The following CYSLTR1 variants were observed in gnomAD, a reference collection of about 807,000 sequenced individuals.
The protein encoded by CYSLTR1 is G-protein coupled receptor HG55.
In CYSLTR1, 1 loss-of-function variant was observed where a neutral mutation model predicts 2.1. That is an observed-to-expected ratio of 0.48 (90% CI 0.17 to 2.28). The LOEUF (loss-of-function observed/expected upper bound fraction) is 2.28. Ranked by LOEUF, CYSLTR1 falls within the 30% of genes most tolerant of loss-of-function variation. The pLI is 0.26. For missense variants in CYSLTR1, 299 were observed against 250.1 expected (o/e 1.20, Z -1.32); for synonymous variants, 110 against 89.6 (o/e 1.23, Z -1.28).
intron 1 of CYSLTR1, among the ~76,000 whole-genome samples, chrX:78,300,421 T>C (rs1252439658): frequency 1.8e-5 from 2 of 112,771 alleles, no homozygotes; most frequent in East Asian, 5.6e-4. Context: ...TTTGGGCTTG[T>C]TTTTACCTGC....
chrX:78,295,370 CTTTTTT>C (rs36092711), intron 1 of CYSLTR1, among the ~76,000 whole-genome samples: 1 of 86,599 alleles, frequency 1.2e-5, no homozygotes, highest in Non-Finnish European at 2.3e-5. Flanking sequence ...TCCTGATTTC[CTTTTTT>C]TTTTTTTTTT....
At chrX:78,309,703 A>G (rs1376120887) in intron 1 of CYSLTR1, among the ~76,000 whole-genome samples, 2 of 111,891 alleles carry the variant, frequency 1.8e-5, no homozygotes, top group East Asian at 5.6e-4. Flanking sequence ...GGCTATAAAA[A>G]TCTCTGTTTG....
chrX:78,291,041 C>A (rs1327563113), intron 1 of CYSLTR1, among the ~76,000 whole-genome samples: 1 of 111,862 alleles, frequency 8.9e-6, no homozygotes, highest in Non-Finnish European at 1.9e-5. Context: ...AGCCAGTTTT[C>A]AAAAGGAATG....
At chrX:78,324,533 A>G (rs764574641) in intron 1 of CYSLTR1, among the ~76,000 whole-genome samples, 7 of 110,725 alleles carry the variant, frequency 6.3e-5, no homozygotes, top group Non-Finnish European at 1.1e-4. Context: ...ACACCCAGCT[A>G]ATTTTTGTAT....
intron 1 of CYSLTR1, among the ~76,000 whole-genome samples, chrX:78,294,636 C>T (rs2147261487): frequency 8.9e-6 from 1 of 112,664 alleles, no homozygotes; most frequent in South Asian, 3.6e-4. Flanking sequence ...TGGGATCTGC[C>T]CAGTTCGAGC....
intron 1 of CYSLTR1, among the ~76,000 whole-genome samples, chrX:78,322,636 G>A (rs758779462): frequency 7.1e-5 from 8 of 111,986 alleles, no homozygotes; most frequent in African/African-American, 9.8e-5. Context: ...TGATCCTTCC[G>A]TCTGTGATCA....
chrX:78,313,843 T>C (rs1923304457), intron 1 of CYSLTR1, among the ~76,000 whole-genome samples: 1 of 111,843 alleles, frequency 8.9e-6, no homozygotes, highest in Non-Finnish European at 1.9e-5. Flanking sequence ...AAAGTGATCA[T>C]ATAATTTAGG....
chrX:78,289,167 A>G (rs777571254), intron 1 of CYSLTR1, among the ~76,000 whole-genome samples: 2 of 108,366 alleles, frequency 1.8e-5, no homozygotes, highest in South Asian at 8.3e-4. Flanking sequence ...CCTGTGTCCA[A>G]GTGTTCTCAT....
intron 1 of CYSLTR1, chrX:78,321,617 G>A (rs1923660304): frequency 1.8e-5 from 2 of 108,446 alleles, no homozygotes; most frequent in African/African-American, 6.8e-5. Flanking sequence ...TTGAACCCGG[G>A]AGGCGGAGGC....
At chrX:78,302,317 C>T (rs1241184754) in intron 1 of CYSLTR1, among the ~76,000 whole-genome samples, 1 of 112,089 alleles carries the variant, frequency 8.9e-6, no homozygotes, top group Non-Finnish European at 1.9e-5. Context: ...CAGTGGGCTC[C>T]CCTCTGGCCC....
intron 1 of CYSLTR1, among the ~76,000 whole-genome samples, chrX:78,285,421 CA>C (rs397897021): frequency 1.0e-3 from 66 of 65,595 alleles, no homozygotes; most frequent in South Asian, 5.0e-3. Context: ...GACTCCGTCT[CA>C]AAAAAAAAAA....
intron 1 of CYSLTR1, among the ~76,000 whole-genome samples, chrX:78,301,622 C>T (rs145686230): frequency 0.02 from 2,247 of 111,839 alleles, 26 homozygotes; most frequent in Non-Finnish European, 0.029. Flanking sequence ...GCATTTTGGT[C>T]AAAGCCATTC....
chrX:78,314,999 A>G (rs1285352871), intron 1 of CYSLTR1, among the ~76,000 whole-genome samples: 1 of 104,953 alleles, frequency 9.5e-6, no homozygotes, highest in African/African-American at 3.5e-5. Flanking sequence ...GCAAGTCCAA[A>G]ATAGATGCCT....
chrX:78,280,483 A>AAC (rs1007549657), intron 2 of CYSLTR1, among the ~76,000 whole-genome samples: 1 of 104,584 alleles, frequency 9.6e-6, no homozygotes, highest in African/African-American at 3.5e-5. Context: ...AAAGTTAATC[A>AAC]ACACATCCAT....
At chrX:78,290,136 G>C (rs1346802013) in intron 1 of CYSLTR1, among the ~76,000 whole-genome samples, 1 of 111,712 alleles carries the variant, frequency 9.0e-6, no homozygotes, top group Admixed American at 9.5e-5. Context: ...ATTACTTTTT[G>C]TATAAGGTAT....
At chrX:78,301,113 T>C (rs746602365) in intron 1 of CYSLTR1, among the ~76,000 whole-genome samples, 1 of 112,259 alleles carries the variant, frequency 8.9e-6, no homozygotes, top group Admixed American at 9.4e-5. Context: ...CAGGGGTTCC[T>C]GGGCCTGGCC....
intron 2 of CYSLTR1, among the ~76,000 whole-genome samples, chrX:78,279,417 A>G (rs1244389176): frequency 8.9e-6 from 1 of 112,026 alleles, no homozygotes; most frequent in Non-Finnish European, 1.9e-5. Context: ...TCACACCAGT[A>G]AAAATGGCTG....
At chrX:78,276,984 A>T (rs923541744) in intron 2 of CYSLTR1, among the ~76,000 whole-genome samples, 1 of 111,040 alleles carries the variant, frequency 9.0e-6, no homozygotes, top group African/African-American at 3.3e-5. Flanking sequence ...GACATTTGGA[A>T]TCTTAGCTGC....
Position 78,272,844 on chromosome X carries a change from G to C in CYSLTR1, c.903C>G (p.Asn301Lys). The C allele has an allele frequency of 8.3e-7, 1 of 1,211,183 alleles. No homozygotes were observed. The highest frequency in any genetic ancestry group is 1.1e-6 in the Non-Finnish European group (1 of 895,352). ...DPLLYFFSGGNFRKRLSTFRK... is the reference protein window; with the variant it reads ...DPLLYFFSGGKFRKRLSTFRK... ...TGAATGTAGACAGCCTTTTCCTAAA[G>C]TTACCCCCAGAAAAGAAATATAGGA... Residue 301 changes from asparagine to lysine, a missense_variant, in exon 3 of 3, where the codon AAC becomes AAG. By Grantham distance (94) the Asn-to-Lys change is moderately conservative. Transcript: ENST00000373304.
Sources: gnomAD v4.1 joint callset for allele counts (sites outside exome capture counted in the v4.1 genomes callset) on GRCh38, gnomAD v4.1.1 for gene constraint, MANE v1.5 for transcripts, NCBI Gene and HGNC (gene_info 2026-07-23, HGNC 2026-07-21) for gene names.